Variants in USH1C observed in about 807,000 individuals in gnomAD.
USH1C encodes harmonin.
Under a neutral mutation model 119.3 loss-of-function variants are expected in USH1C, and 90 were observed. The ratio of observed to expected loss-of-function variants is 0.75; its 90% CI spans 0.64 to 0.90. The LOEUF is 0.90. Ranked by LOEUF, USH1C falls within the 40% of genes least tolerant of loss-of-function variation. USH1C has a pLI of 0.00. For synonymous variants in USH1C, 465 were observed against 443.3 expected (o/e 1.05, Z -0.62); for missense variants, 1,165 against 1,167.7 (o/e 1.00, Z 0.03).
intron 23 of USH1C, 139 bp from the exon 24 acceptor site, chr11:17,498,410 G>T: frequency 2.4e-6 from 2 of 837,000 alleles, no homozygotes; most frequent in East Asian, 2.4e-5. Flanking sequence ...GACTCAGAAA[G>T]CATGAGGGGA....
chr11:17,542,513 G>A (rs1851510711), intron 1 of USH1C, among the ~76,000 whole-genome samples: 1 of 152,244 alleles, frequency 6.6e-6, no homozygotes, highest in African/African-American at 2.4e-5. Flanking sequence ...CGATGAGGAA[G>A]AGTAGGGCAG....
chr11:17,524,570 G>T (rs1384676793), intron 8 of USH1C, 35 bp from the exon 9 acceptor site: 1 of 1,551,280 alleles, frequency 6.4e-7, no homozygotes, highest in Non-Finnish European at 8.7e-7. Flanking sequence ...TCGGGATTCA[G>T]GTAACCCATG....
chr11:17,498,344 G>A (rs1247469017), intron 23 of USH1C, 73 bp from the exon 24 acceptor site: 1 of 1,381,590 alleles, frequency 7.2e-7, no homozygotes, highest in Non-Finnish European at 1.0e-6. Context: ...TTGGCAAAGG[G>A]GGGTCATTGC....
intron 15 of USH1C, chr11:17,514,736 T>C (rs1342475051): frequency 6.6e-6 from 1 of 151,988 alleles, no homozygotes; most frequent in East Asian, 1.9e-4. Context: ...TTCCTTTTGG[T>C]CCAGACTGAG....
chr11:17,501,437 C>A, intron 22 of USH1C, 45 bp downstream of exon 22: 1 of 1,599,308 alleles, frequency 6.3e-7, no homozygotes. Context: ...GAGGGGCAGG[C>A]ACAGAGAGGG....
chr11:17,509,860 T>C, intron 17 of USH1C, 22 bp from the exon 18 acceptor site: 1 of 1,583,010 alleles, frequency 6.3e-7, no homozygotes, highest in African/African-American at 1.3e-5. Flanking sequence ...GCAAGGAAGT[T>C]CTGTAATTGT....
chr11:17,531,083 AG>A lies in USH1C; in HGVS notation c.387+70del. 6.2e-7 allele frequency: 1 copy of A among 1,609,050 alleles called. No homozygotes were observed. Among genetic ancestry groups the A allele is most frequent in the Non-Finnish European group, 8.5e-7 (1 of 1,177,890 alleles). ...GTGACCATGTTGTGCCACACAGCCT[AG>A]TGGATGAATGAGGGGGAGGCAGGAG... On this transcript the variant is annotated intron_variant, in intron 4 of 26. Coordinates refer to ENST00000005226, the MANE Select transcript of USH1C (RefSeq NM_153676.4). The surrounding 1 kb of genome is among the most constrained non-coding windows in gnomAD (Gnocchi z 4.2).
chr11:17,496,716 A>T, intron 25 of USH1C, 42 bp downstream of exon 25: 1 of 1,612,558 alleles, frequency 6.2e-7, no homozygotes, highest in Non-Finnish European at 8.5e-7. Context: ...GATTCTGGAG[A>T]AGGAAGAAGA....
intron 8 of USH1C, 130 bp from the exon 9 acceptor site, chr11:17,524,665 C>T: frequency 1.9e-6 from 2 of 1,038,392 alleles, no homozygotes; most frequent in Non-Finnish European, 2.9e-6. Flanking sequence ...TGTCCCTCTC[C>T]AGCCTGATTT....
intron 8 of USH1C, among the ~76,000 whole-genome samples, chr11:17,525,062 A>C (rs540149682): frequency 4.8e-4 from 73 of 152,160 alleles, no homozygotes; most frequent in Non-Finnish European, 1.0e-3. Context: ...CAGTGCTCCT[A>C]TGACATTTAC....
intron 1 of USH1C, among the ~76,000 whole-genome samples, chr11:17,543,767 A>C (rs1480544106): frequency 6.6e-6 from 1 of 152,114 alleles, no homozygotes; most frequent in African/African-American, 2.4e-5. Flanking sequence ...TCAGACCCTA[A>C]GAAACGCCCT....
In USH1C at chr11:17,522,829, A is replaced by C. The variant is rs1354494480; in HGVS notation, c.974T>G (p.Met325Arg). The C allele has an allele frequency of 6.2e-7, 1 of 1,613,774 alleles. No homozygotes were observed. The change falls in exon 12 of 27, where the codon ATG becomes AGG. Residue 325 changes from methionine to arginine, a missense_variant. Coordinates refer to ENST00000005226, the MANE Select transcript of USH1C (RefSeq NM_153676.4). Reference sequence around the variant, plus strand: ...CTCCTGGAGGATCTTGTTGGACTCCATCGCCAGCCGCTTCTGCATGAGAAG... The same window carrying C: ...CTCCTGGAGGATCTTGTTGGACTCCCTCGCCAGCCGCTTCTGCATGAGAAG... Reference protein sequence around the residue: ...QELLMQKRLAMESNKILQEQQ... With the variant: ...QELLMQKRLARESNKILQEQQ...
At chr11:17,509,968 C>T (rs1849817641) in intron 17 of USH1C, 130 bp from the exon 18 acceptor site, 2 of 1,149,882 alleles carry the variant, frequency 1.7e-6, no homozygotes, top group Non-Finnish European at 2.4e-6. Flanking sequence ...ACATCAGAAC[C>T]ATGGGGCGCC....
Position 17,527,282 on chromosome 11 carries a change from G to T in USH1C, c.437C>A (p.Thr146Asn). Reference protein sequence around the residue: ...RINGYSISSCTHEEVINLIRT... With the variant: ...RINGYSISSCNHEEVINLIRT... ...AATGAGGTTGATGACCTCCTCATGG[G>T]TACAGGAGGAGATGGAATATCCATT... is the stretch of plus-strand genomic sequence containing the variant. The change falls in exon 5 of 27, where the codon ACC becomes AAC. Residue 146 changes from threonine (T) to asparagine (N), a missense_variant. By Grantham distance (65) the Thr-to-Asn change is moderately conservative. Coordinates refer to ENST00000005226, the MANE Select transcript of USH1C (RefSeq NM_153676.4). 6.2e-7 allele frequency: 1 copy of T among 1,612,966 alleles called. No homozygotes were observed. The highest frequency in any genetic ancestry group is 8.5e-7 in the Non-Finnish European group (1 of 1,179,682).
intron 15 of USH1C, 97 bp from the exon 16 acceptor site, chr11:17,512,151 C>T: frequency 7.3e-7 from 1 of 1,370,996 alleles, no homozygotes. Context: ...ACAACCATCC[C>T]ATGGTGAGCC....
intron 19 of USH1C, 93 bp downstream of exon 19, chr11:17,505,737 A>G (rs1849623010): frequency 1.3e-6 from 2 of 1,580,284 alleles, no homozygotes; most frequent in Non-Finnish European, 1.7e-6. Flanking sequence ...TTTTTGTCCC[A>G]CCTCACTTGC....
intron 14 of USH1C, among the ~76,000 whole-genome samples, chr11:17,518,695 G>A (rs146973086): frequency 0.021 from 3,209 of 152,304 alleles, 130 homozygotes; most frequent in African/African-American, 0.074. Context: ...TTCTAGGTAA[G>A]AGATGCCCCA....
intron 25 of USH1C, among the ~76,000 whole-genome samples, chr11:17,496,183 T>G (rs1849243037): frequency 6.8e-6 from 1 of 146,044 alleles, no homozygotes; most frequent in Admixed American, 6.8e-5. Flanking sequence ...AAGGAAAGGG[T>G]GAAAGAAAGA....
In USH1C at chr11:17,523,407, C is replaced by T. The variant is rs759105085; in HGVS notation, c.819+12G>A. The T allele has an allele frequency of 2.5e-6, 4 of 1,614,010 alleles. No individual in the cohort carries two copies. In the Admixed American group the frequency reaches 5.0e-5, roughly 20 times the overall value. On this transcript the variant is annotated intron_variant, in intron 10 of 26. Transcript: ENST00000005226. The stretch of plus-strand genomic sequence containing the variant: ...TGACAAGGGCCAACAGGTGAAGACC[C>T]CCACATCTCACCTCCTTGTGATCCA...
Sources: allele counts gnomAD v4.1 joint callset (sites outside exome capture counted in the v4.1 genomes callset), GRCh38; gene constraint gnomAD v4.1.1; non-coding constraint Gnocchi (gnomAD v3.1); transcripts MANE v1.5; gene names NCBI Gene and HGNC (gene_info 2026-07-23, HGNC 2026-07-21).